Variants in GDF11 observed in about 807,000 individuals in gnomAD.
GDF11 encodes growth differentiation factor 11.
GDF11 carries 12 observed loss-of-function variants against 34.4 expected under a neutral mutation model. The ratio of observed to expected loss-of-function variants is 0.35; its 90% CI spans 0.22 to 0.57. The LOEUF (loss-of-function observed/expected upper bound fraction) is 0.57, where lower values mean the gene tolerates loss of function less well. GDF11 is among the 20% of genes least tolerant of loss of function. The probability of loss-of-function intolerance (pLI) is 0.86; values close to 1 mark genes in which losing one functional copy is unlikely to be tolerated. For missense variants in GDF11, 346 were observed against 548.2 expected, an observed-to-expected ratio of 0.63 and a Z score of 3.68; for synonymous variants, 212 against 231.1, an observed-to-expected ratio of 0.92 and a Z score of 0.75.
rs1052948257 is a variant in GDF11 at position 55,757,150 on chromosome 12, T to C, written c.*7268T>C. The C allele has an allele frequency of 6.1e-6, 1 of 163,584 alleles. No individual in the cohort carries two copies. The highest frequency in any genetic ancestry group is 1.3e-5 in the Non-Finnish European group (1 of 75,488). 10.1% of individuals were successfully genotyped at this position (163,584 alleles called of 1,614,324 possible). A position where few individuals can be genotyped will look rare whatever the true frequency, so the allele number is the denominator to read the frequency against. ...GGTAAACTCAGTCCTTTTCCTTGTCTTCTCTTCTAAGGGATAAAGGTATTA... is the reference window on the plus strand; with the variant it reads ...GGTAAACTCAGTCCTTTTCCTTGTCCTCTCTTCTAAGGGATAAAGGTATTA... On this transcript the variant is annotated 3_prime_UTR_variant, in exon 3 of 3. Coordinates refer to ENST00000257868, the MANE Select transcript of GDF11 (RefSeq NM_005811.5).
chr12:55,749,895 A>C lies in GDF11; in HGVS notation c.*13A>C. On this transcript the variant is annotated 3_prime_UTR_variant, in exon 3 of 3. Coordinates refer to ENST00000257868, the MANE Select transcript of GDF11 (RefSeq NM_005811.5). This position sits in a 1 kb window ranked among gnomAD's most constrained non-coding sequence, Gnocchi z 5.6. ...TGGCTGCTCTTAAGGTGGGGGATAG[A>C]GGATGCCTCCCCCACAGACCCTACC... 6.2e-7 allele frequency: 1 copy of C among 1,601,858 alleles called. No individual in the cohort carries two copies. The highest frequency in any genetic ancestry group is 8.5e-7 in the Non-Finnish European group (1 of 1,172,156).
chr12:55,750,173 CA>C lies in GDF11; in HGVS notation c.*296del, dbSNP rs1165867865. ...AGAGACAGTGATAGAGACAGAGGAA[CA>C]AAAAGAGCAGCAGTGAGAAGGCAAA... On this transcript the variant is annotated 3_prime_UTR_variant, in exon 3 of 3. Coordinates refer to ENST00000257868, the MANE Select transcript of GDF11 (RefSeq NM_005811.5). 1.4e-5 allele frequency: 5 copies of C among 349,670 alleles called. No individual in the cohort carries two copies. The highest frequency in any genetic ancestry group is 4.1e-5 in the African/African-American group (2 of 48,564). The allele number at this position is 349,670 out of a possible 1,614,324, so 21.7% of individuals were successfully genotyped here.
Position 55,743,428 on chromosome 12 carries a change from G to C in GDF11, c.112G>C (p.Ala38Pro). The change falls in exon 1 of 3, where the codon GCG (alanine) becomes CCG (proline). Residue 38 changes from alanine to proline, a missense_variant. By Grantham distance (27) the Ala-to-Pro change is conservative (BLOSUM62 -1). This residue lies in a region of GDF11 where 141 missense variants were observed against 213.8 expected (regional missense o/e 0.66). Transcript: ENST00000257868. ...GGCGGCGGCGGCGGCGGCGGCGGCG[G>C]CGGCAGCGGCGGGGGTCGGGGGGGA... The part of the protein sequence containing the change: ...PAAAAAAAAA[A>P]AAAGVGGERS... 9.0e-7 allele frequency: 1 copy of C among 1,105,238 alleles called. No individual in the cohort carries two copies. Among genetic ancestry groups the C allele is most frequent in the African/African-American group, 1.7e-5 (1 of 59,908 alleles). 68.5% of individuals were successfully genotyped at this position (1,105,238 alleles called of 1,614,324 possible).
rs557023039 is a variant in GDF11 at position 55,756,788 on chromosome 12, A to C, written c.*6906A>C. ...GCATACAAAATTTCTTCTGTCTCTG[A>C]GGGATATCCAGCCCATCTCCCTTCC... is the stretch of plus-strand genomic sequence containing the variant. On this transcript the variant is annotated 3_prime_UTR_variant, in exon 3 of 3. Coordinates refer to ENST00000257868, the MANE Select transcript of GDF11 (RefSeq NM_005811.5). 6.6e-6 allele frequency: 1 copy of C among 152,354 alleles called. No homozygotes were observed. The highest frequency in any genetic ancestry group is 2.1e-4 in the South Asian group (1 of 4,828). 9.4% of individuals were successfully genotyped at this position (152,354 alleles called of 1,614,324 possible).
rs1878443832 is a variant in GDF11, at chr12:55,754,578, GCA to G, written c.*4703_*4704del. Reference sequence around the variant, plus strand: ...ATACGACTGCATTAACTGGGTGTATGCACACACAAACATGTTCAAACTAGGGC... The same window carrying G: ...ATACGACTGCATTAACTGGGTGTATGCACACAAACATGTTCAAACTAGGGC... On this transcript the variant is annotated 3_prime_UTR_variant, in exon 3 of 3. Transcript: ENST00000257868. The G allele has an allele frequency of 6.6e-6, 1 of 152,310 alleles. No individual in the cohort carries two copies. Among genetic ancestry groups the G allele is most frequent in the African/African-American group, 2.4e-5 (1 of 41,574 alleles). 9.4% of individuals were successfully genotyped at this position (152,310 alleles called of 1,614,324 possible). A position where few individuals can be genotyped will look rare whatever the true frequency, so the allele number is the denominator to read the frequency against.
rs1463274227 is a variant in GDF11 at position 55,749,082 on chromosome 12, G to A, written c.843+99G>A. On this transcript the variant is annotated intron_variant, in intron 2 of 2. Coordinates refer to ENST00000257868, the MANE Select transcript of GDF11 (RefSeq NM_005811.5). This position sits in a 1 kb window ranked among gnomAD's most constrained non-coding sequence, Gnocchi z 5.6. ...GACAAGGAATGTGAAGGAGGTTGGG[G>A]ACCAGCATTACTTCTCTGGGGTCAG... The A allele has an allele frequency of 2.4e-6, 3 of 1,247,848 alleles. No homozygotes were observed. Among genetic ancestry groups the A allele is most frequent in the African/African-American group, 1.5e-5 (1 of 66,568 alleles). 77.3% of individuals were successfully genotyped at this position (1,247,848 alleles called of 1,614,324 possible).
chr12:55,744,111 A>G (rs1878128265), intron 1 of GDF11, among the ~76,000 whole-genome samples: 1 of 152,078 alleles, frequency 6.6e-6, no homozygotes, highest in Non-Finnish European at 1.5e-5. Flanking sequence ...AGGCTGGAGA[A>G]CAGAATCGGG....
rs1172689312 is a variant in GDF11 at position 55,752,387 on chromosome 12, G to T, written c.*2505G>T. 1 of 137,630 alleles carries T rather than the reference G, an allele frequency of 7.3e-6. No individual in the cohort carries two copies. The highest frequency in any genetic ancestry group is 1.6e-5 in the Non-Finnish European group (1 of 63,342). 8.5% of individuals were successfully genotyped at this position (137,630 alleles called of 1,614,324 possible). A position where few individuals can be genotyped will look rare whatever the true frequency, so the allele number is the denominator to read the frequency against. On this transcript the variant is annotated 3_prime_UTR_variant, in exon 3 of 3. Transcript: ENST00000257868. ...TTGTGTGTGTGTGGTGGGTGGGGGGGGGGCAGGGGTCTTTCTCTTATGAAC... is the reference window on the plus strand; with the variant it reads ...TTGTGTGTGTGTGGTGGGTGGGGGGTGGGCAGGGGTCTTTCTCTTATGAAC...
At chr12:55,744,995 G>C (rs1878149998) in intron 1 of GDF11, among the ~76,000 whole-genome samples, 1 of 152,136 alleles carries the variant, frequency 6.6e-6, no homozygotes, top group African/African-American at 2.4e-5. Flanking sequence ...CACAAGACTT[G>C]GTCAGGGCTG....
chr12:55,749,805 C>A lies in GDF11; in HGVS notation c.1147C>A (p.Leu383Ile). ...CACCAAGATGTCCCCAATCAACATG[C>A]TCTACTTCAATGACAAGCAGCAGAT... is the stretch of plus-strand genomic sequence containing the variant. ...TPTKMSPINM[L>I]YFNDKQQIIY... The change falls in exon 3 of 3, where the codon CTC becomes ATC. Residue 383 changes from leucine (L) to isoleucine (I), a missense_variant. By Grantham distance (5) the Leu-to-Ile change is conservative. This residue lies in a region of GDF11 where 205 missense variants were observed against 311.3 expected (regional missense o/e 0.66). Transcript: ENST00000257868. This position sits in a 1 kb window ranked among gnomAD's most constrained non-coding sequence, Gnocchi z 5.6. The A allele has an allele frequency of 6.8e-6, 11 of 1,613,996 alleles. No individual in the cohort carries two copies. Among genetic ancestry groups the A allele is most frequent in the Non-Finnish European group, 9.3e-6 (11 of 1,179,938 alleles).
In GDF11 at chr12:55,748,560, G is replaced by T. The variant is rs879714161; in HGVS notation, c.446-26G>T. 4.4e-6 allele frequency: 7 copies of T among 1,574,644 alleles called. No homozygotes were observed. The highest frequency in any genetic ancestry group is 6.0e-6 in the Non-Finnish European group (7 of 1,157,662). On this transcript the variant is annotated intron_variant, in intron 1 of 2. Coordinates refer to ENST00000257868, the MANE Select transcript of GDF11 (RefSeq NM_005811.5). The surrounding 1 kb of genome is among the most constrained non-coding windows in gnomAD (Gnocchi z 5.6). Reference sequence around the variant, plus strand: ...ATCCCCTACACAAACACCCTTTGCTGATGCTGTGCCCTTCTCTCTTATCAG... The same window carrying T: ...ATCCCCTACACAAACACCCTTTGCTTATGCTGTGCCCTTCTCTCTTATCAG...
At position 55,752,189 on chromosome 12, in the gene GDF11, A is replaced by C. The variant is rs1592547357; in HGVS notation, c.*2307A>C. On this transcript the variant is annotated 3_prime_UTR_variant, in exon 3 of 3. Coordinates refer to ENST00000257868, the MANE Select transcript of GDF11 (RefSeq NM_005811.5). ...TTCCTTGGTGGAAGGAAAGGAACAG[A>C]GAAGTGAAGAACAGATACCTCCCTC... is the stretch of plus-strand genomic sequence containing the variant. 1 of 152,242 alleles carries C rather than the reference A, an allele frequency of 6.6e-6. No homozygotes were observed. The highest frequency in any genetic ancestry group is 1.9e-4 in the East Asian group (1 of 5,196). The allele number at this position is 152,242 out of a possible 1,614,324, so 9.4% of individuals were successfully genotyped here. A position where few individuals can be genotyped will look rare whatever the true frequency, so the allele number is the denominator to read the frequency against.
In GDF11 at chr12:55,755,656, A is replaced by G. The variant is rs1389293213; in HGVS notation, c.*5774A>G. ...CTGAATTGGGAAAAAGGCATCCTGA[A>G]CTATTCATGCTCAAAGAGTATGTGG... On this transcript the variant is annotated 3_prime_UTR_variant, in exon 3 of 3. Transcript: ENST00000257868. The G allele has an allele frequency of 6.6e-6, 1 of 152,224 alleles. No individual in the cohort carries two copies. Among genetic ancestry groups the G allele is most frequent in the Non-Finnish European group, 1.5e-5 (1 of 68,044 alleles). 9.4% of individuals were successfully genotyped at this position (152,224 alleles called of 1,614,324 possible).
chr12:55,744,787 A>AAC (rs1283424875), intron 1 of GDF11, among the ~76,000 whole-genome samples: 1 of 151,554 alleles, frequency 6.6e-6, no homozygotes, highest in African/African-American at 2.4e-5. Flanking sequence ...AGCCCCCTGC[A>AAC]ACACACACAG....
chr12:55,753,770 C>CAAAAAAAA lies in GDF11; in HGVS notation c.*3906_*3913dup, dbSNP rs35350773. 2 of 51,098 alleles carry CAAAAAAAA rather than the reference C, an allele frequency of 3.9e-5. No individual in the cohort carries two copies. The highest frequency in any genetic ancestry group is 8.6e-5 in the African/African-American group (1 of 11,660). The allele number at this position is 51,098 out of a possible 1,614,324, so 3.2% of individuals were successfully genotyped here. A position where few individuals can be genotyped will look rare whatever the true frequency, so the allele number is the denominator to read the frequency against. The stretch of plus-strand genomic sequence containing the variant: ...GGTGACAGAGTGAGACTCCCATCTC[C>CAAAAAAAA]AAAAAAAAAAAAAAAAAAAAAAAAA... On this transcript the variant is annotated 3_prime_UTR_variant, in exon 3 of 3. Transcript: ENST00000257868.
At position 55,752,473 on chromosome 12, in the gene GDF11, G is replaced by C. The variant is rs143280659; in HGVS notation, c.*2591G>C. On this transcript the variant is annotated 3_prime_UTR_variant, in exon 3 of 3. Coordinates refer to ENST00000257868, the MANE Select transcript of GDF11 (RefSeq NM_005811.5). ...CTCCCTACCCCCAAAGAGGCACAGAGTGAAGGGACTTGGGGGGCACAGCTC... is the reference window on the plus strand; with the variant it reads ...CTCCCTACCCCCAAAGAGGCACAGACTGAAGGGACTTGGGGGGCACAGCTC... The C allele has an allele frequency of 6.6e-6, 1 of 152,198 alleles. No homozygotes were observed. Among genetic ancestry groups the C allele is most frequent in the Non-Finnish European group, 1.5e-5 (1 of 68,052 alleles). The allele number at this position is 152,198 out of a possible 1,614,324, so 9.4% of individuals were successfully genotyped here.
rs1878347063 is a variant in GDF11, at chr12:55,752,322, C to T, written c.*2440C>T. ...GCTGGGGCATTAAATATGGGGGACACTTAGAATACAGCTCCTTAAATACCA... is the reference window on the plus strand; with the variant it reads ...GCTGGGGCATTAAATATGGGGGACATTTAGAATACAGCTCCTTAAATACCA... On this transcript the variant is annotated 3_prime_UTR_variant, in exon 3 of 3. Transcript: ENST00000257868. 1 of 136,692 alleles carries T rather than the reference C, an allele frequency of 7.3e-6. No individual in the cohort carries two copies. 8.5% of individuals were successfully genotyped at this position (136,692 alleles called of 1,614,324 possible).
At chr12:55,745,531 T>C (rs1020863877) in intron 1 of GDF11, among the ~76,000 whole-genome samples, 1 of 144,696 alleles carries the variant, frequency 6.9e-6, no homozygotes, top group Non-Finnish European at 1.5e-5. Flanking sequence ...TCCGGCCAGG[T>C]ATTGTACGTC....
Position 55,749,972 on chromosome 12 carries a change from C to G in GDF11, c.*90C>G, listed in dbSNP as rs1451575344. ...CCCCCAAGCCCTAGAGCTCCCTCCA[C>G]TCTTCCCGCGAACATCACACCGTTC... On this transcript the variant is annotated 3_prime_UTR_variant, in exon 3 of 3. Transcript: ENST00000257868. This position sits in a 1 kb window ranked among gnomAD's most constrained non-coding sequence, Gnocchi z 5.6. 3.6e-6 allele frequency: 4 copies of G among 1,109,694 alleles called. No homozygotes were observed. In the African/African-American group the frequency reaches 6.2e-5, roughly 17 times the overall value. 68.7% of individuals were successfully genotyped at this position (1,109,694 alleles called of 1,614,324 possible). A position where few individuals can be genotyped will look rare whatever the true frequency, so the allele number is the denominator to read the frequency against.
Sources: gnomAD v4.1 joint callset for allele counts (sites outside exome capture counted in the v4.1 genomes callset) on GRCh38, gnomAD v4.1.1 for gene constraint, gnomAD v4.1.1 regional missense constraint, Gnocchi (gnomAD v3.1) non-coding constraint, MANE v1.5 for transcripts, NCBI Gene and HGNC (gene_info 2026-07-23, HGNC 2026-07-21) for gene names.